Variants in DEFB127 observed in about 807,000 individuals in gnomAD.
DEFB127 encodes defensin beta 127.
DEFB127 carries 2 observed loss-of-function variants against 2.4 expected under a neutral mutation model. The ratio of observed to expected loss-of-function variants is 0.82; its 90% CI spans 0.34 to 2.58. The LOEUF is 2.58. Among genes scored for constraint, DEFB127 ranks in the 30% most tolerant of loss-of-function variants. The pLI is 0.11. For synonymous variants in DEFB127, 37 were observed against 39.8 expected (o/e 0.93, Z 0.26); for missense variants, 110 against 113.2 (o/e 0.97, Z 0.13).
intron 1 of DEFB127, 58 bp from the exon 2 acceptor site, chr20:158,716 C>G (rs1308379923): frequency 2.5e-5 from 38 of 1,541,852 alleles, no homozygotes; most frequent in Non-Finnish European, 3.3e-5. Context: ...TTCCCCAAAA[C>G]CAACGTGCCT....
At position 159,060 on chromosome 20, in the gene DEFB127, C is replaced by A. The variant is rs556352305; in HGVS notation, c.*36C>A. The stretch of plus-strand genomic sequence containing the variant: ...ATTTCGTTTTCACTTGCTTCTCAAC[C>A]TAGTCTAATAAACTAAGGTGATGAG... On this transcript the variant is annotated 3_prime_UTR_variant, in exon 2 of 2. Transcript: ENST00000382388. The A allele has an allele frequency of 1.3e-6, 2 of 1,565,250 alleles. No homozygotes were observed. The highest frequency in any genetic ancestry group is 3.8e-5 in the Admixed American group (2 of 51,952).
At position 157,611 on chromosome 20, in the gene DEFB127, C is replaced by T. The variant is rs762985006; in HGVS notation, c.49+18C>T. ...ACCCACAGGTAAACCAAACCAGAAG[C>T]TCACTCAAATCAACAGTGGGATGGA... On this transcript the variant is annotated intron_variant, in intron 1 of 1. Coordinates refer to ENST00000382388, the MANE Select transcript of DEFB127 (RefSeq NM_139074.4). The T allele has an allele frequency of 6.2e-7, 1 of 1,613,672 alleles. No individual in the cohort carries two copies. Among genetic ancestry groups the T allele is most frequent in the Non-Finnish European group, 8.5e-7 (1 of 1,179,756 alleles).
At position 159,138 on chromosome 20, in the gene DEFB127, T is replaced by C. The variant is rs2054715520; in HGVS notation, c.*114T>C. On this transcript the variant is annotated 3_prime_UTR_variant, in exon 2 of 2. Coordinates refer to ENST00000382388, the MANE Select transcript of DEFB127 (RefSeq NM_139074.4). ...TGATCCTTAAAATGACCTTCGAGCATATTCTAATAAAGTGCATTGCCAGTT... is the reference window on the plus strand; with the variant it reads ...TGATCCTTAAAATGACCTTCGAGCACATTCTAATAAAGTGCATTGCCAGTT... 8.0e-7 allele frequency: 1 copy of C among 1,252,100 alleles called. No individual in the cohort carries two copies. The highest frequency in any genetic ancestry group is 2.5e-5 in the East Asian group (1 of 39,950). 77.6% of individuals were successfully genotyped at this position (1,252,100 alleles called of 1,614,324 possible).
intron 1 of DEFB127, among the ~76,000 whole-genome samples, chr20:158,248 C>T (rs910097649): frequency 2.0e-5 from 3 of 152,134 alleles, no homozygotes; most frequent in South Asian, 2.1e-4. Context: ...TCCTGACCCT[C>T]TACATTCCTA....
In DEFB127 at chr20:157,465, T is replaced by A. The variant is rs1215734609; in HGVS notation, c.-80T>A. On this transcript the variant is annotated 5_prime_UTR_variant, in exon 1 of 2. Transcript: ENST00000382388. ...TGTTCTGGTTCAGTGCATAAGAATC[T>A]AAGTCTCTGAGGAAGGTAGCATAGT... is the stretch of plus-strand genomic sequence containing the variant. 15 of 1,482,916 alleles carry A rather than the reference T, an allele frequency of 1.0e-5. No homozygotes were observed. The highest frequency in any genetic ancestry group is 1.4e-5 in the Non-Finnish European group (15 of 1,062,162). 91.9% of individuals were successfully genotyped at this position (1,482,916 alleles called of 1,614,324 possible). A position where few individuals can be genotyped will look rare whatever the true frequency, so the allele number is the denominator to read the frequency against.
chr20:158,717 C>A (rs547986694), intron 1 of DEFB127, 57 bp from the exon 2 acceptor site: 3 of 1,543,792 alleles, frequency 1.9e-6, no homozygotes, highest in Non-Finnish European at 2.6e-6. Flanking sequence ...TCCCCAAAAC[C>A]AACGTGCCTT....
At position 157,612 on chromosome 20, in the gene DEFB127, T is replaced by C; in HGVS notation, c.49+19T>C. On this transcript the variant is annotated intron_variant, in intron 1 of 1. Transcript: ENST00000382388. ...CCCACAGGTAAACCAAACCAGAAGC[T>C]CACTCAAATCAACAGTGGGATGGAG... is the stretch of plus-strand genomic sequence containing the variant. 2 of 1,613,626 alleles carry C rather than the reference T, an allele frequency of 1.2e-6. No individual in the cohort carries two copies. Among genetic ancestry groups the C allele is most frequent in the Non-Finnish European group, 1.7e-6 (2 of 1,179,732 alleles).
intron 1 of DEFB127, among the ~76,000 whole-genome samples, chr20:158,376 G>A (rs778636256): frequency 3.3e-5 from 5 of 152,128 alleles, no homozygotes; most frequent in Non-Finnish European, 5.9e-5. Flanking sequence ...ACAATACATT[G>A]TTCTCTGGGC....
At chr20:157,913 T>C (rs963325517) in intron 1 of DEFB127, among the ~76,000 whole-genome samples, 1 of 137,744 alleles carries the variant, frequency 7.3e-6, no homozygotes, top group East Asian at 2.2e-4. Flanking sequence ...CTATATTTCC[T>C]TTTACTCAAA....
In DEFB127 at chr20:157,524, C is replaced by A. The variant is rs140500996; in HGVS notation, c.-21C>A. On this transcript the variant is annotated 5_prime_UTR_variant, in exon 1 of 2. Transcript: ENST00000382388. ...CACTGGACCAAAAGCTTTGGCTGCA[C>A]CTCTTCTGGAAAGCCTGGCCATGGG... is the stretch of plus-strand genomic sequence containing the variant. 2.6e-5 allele frequency: 42 copies of A among 1,586,948 alleles called. No individual in the cohort carries two copies. The South Asian group carries it at 4.3e-4, about 16-fold the overall frequency.
chr20:158,418 T>G (rs569380221), intron 1 of DEFB127, among the ~76,000 whole-genome samples: 1 of 152,316 alleles, frequency 6.6e-6, no homozygotes, highest in Admixed American at 6.5e-5. Context: ...GGTAGTGCTC[T>G]GGGAGCATTC....
In DEFB127 at chr20:158,881, T is replaced by C. The variant is rs2054713917; in HGVS notation, c.157T>C (p.Cys53Arg). The stretch of plus-strand genomic sequence containing the variant: ...GGCACTATGTGAAAATGGGAGATAC[T>C]GTTGCCTCAATATCAAGGAACTGGA... ...PEALCENGRY[C>R]CLNIKELEAC... The change falls in exon 2 of 2, where the codon TGT (cysteine) becomes CGT (arginine). Residue 53 changes from cysteine to arginine, a missense_variant. Physicochemically the swap from Cys to Arg is radical, Grantham distance 180. Transcript: ENST00000382388. The C allele has an allele frequency of 6.2e-7, 1 of 1,613,830 alleles. No individual in the cohort carries two copies. Among genetic ancestry groups the C allele is most frequent in the South Asian group, 1.1e-5 (1 of 91,064 alleles).
Position 159,026 on chromosome 20 carries a change from T to TTTG in DEFB127, c.*2_*3insTTG, listed in dbSNP as rs755718985. The stretch of plus-strand genomic sequence containing the variant: ...AGCCTGAAGACACAGTCTACATAAA[T>TTTG]CAAATACAATTTCGTTTTCACTTGC... On this transcript the variant is annotated 3_prime_UTR_variant, in exon 2 of 2. Coordinates refer to ENST00000382388, the MANE Select transcript of DEFB127 (RefSeq NM_139074.4). 6.9e-6 allele frequency: 11 copies of TTTG among 1,594,058 alleles called. No individual in the cohort carries two copies. The highest frequency in any genetic ancestry group is 8.5e-6 in the Non-Finnish European group (10 of 1,171,964).
Position 158,814 on chromosome 20 carries a change from AG to A in DEFB127, c.92del (p.Gly31AspfsTer9). 1 of 1,613,562 alleles carries A rather than the reference AG, an allele frequency of 6.2e-7. No homozygotes were observed. The highest frequency in any genetic ancestry group is 8.5e-7 in the Non-Finnish European group (1 of 1,179,644). On this transcript the variant is annotated frameshift_variant, in exon 2 of 2. Coordinates refer to ENST00000382388, the MANE Select transcript of DEFB127 (RefSeq NM_139074.4). LOFTEE classifies it low-confidence loss of function (END_TRUNC). ...AGAAGTGCTGGAATAACTATGTACA[AG>A]GACATTGCAGGAAAATCTGCAGAGT... ...LKKCWNNYVQ[G>X]HCRKICRVNE...
Position 159,129 on chromosome 20 carries a change from C to T in DEFB127, c.*105C>T. 1 of 1,303,042 alleles carries T rather than the reference C, an allele frequency of 7.7e-7. No individual in the cohort carries two copies. Among genetic ancestry groups the T allele is most frequent in the South Asian group, 1.6e-5 (1 of 62,992 alleles). The allele number at this position is 1,303,042 out of a possible 1,614,324, so 80.7% of individuals were successfully genotyped here. A position where few individuals can be genotyped will look rare whatever the true frequency, so the allele number is the denominator to read the frequency against. Reference sequence around the variant, plus strand: ...TTGGTTTCTTGATCCTTAAAATGACCTTCGAGCATATTCTAATAAAGTGCA... The same window carrying T: ...TTGGTTTCTTGATCCTTAAAATGACTTTCGAGCATATTCTAATAAAGTGCA... On this transcript the variant is annotated 3_prime_UTR_variant, in exon 2 of 2. Coordinates refer to ENST00000382388, the MANE Select transcript of DEFB127 (RefSeq NM_139074.4).
At position 159,086 on chromosome 20, in the gene DEFB127, A is replaced by G; in HGVS notation, c.*62A>G. ...TAGTCTAATAAACTAAGGTGATGAG[A>G]TATACATCTTCTTCCTTTTGGTTTC... is the stretch of plus-strand genomic sequence containing the variant. On this transcript the variant is annotated 3_prime_UTR_variant, in exon 2 of 2. Coordinates refer to ENST00000382388, the MANE Select transcript of DEFB127 (RefSeq NM_139074.4). 6.7e-7 allele frequency: 1 copy of G among 1,496,222 alleles called. No individual in the cohort carries two copies. Among genetic ancestry groups the G allele is most frequent in the Non-Finnish European group, 9.0e-7 (1 of 1,113,390 alleles). 92.7% of individuals were successfully genotyped at this position (1,496,222 alleles called of 1,614,324 possible). A position where few individuals can be genotyped will look rare whatever the true frequency, so the allele number is the denominator to read the frequency against.
At chr20:157,894 G>T (rs1208536667) in intron 1 of DEFB127, among the ~76,000 whole-genome samples, 1 of 151,334 alleles carries the variant, frequency 6.6e-6, no homozygotes. Flanking sequence ...TTTTTACTCT[G>T]ATGCTCAGCT....
At position 158,771 on chromosome 20, in the gene DEFB127, T is replaced by C. The variant is rs747267191; in HGVS notation, c.50-3T>C. 1.9e-6 allele frequency: 3 copies of C among 1,608,888 alleles called. No homozygotes were observed. The highest frequency in any genetic ancestry group is 2.5e-6 in the Non-Finnish European group (3 of 1,177,660). On this transcript the variant is annotated splice_polypyrimidine_tract_variant and splice_region_variant and intron_variant, in intron 1 of 1. Transcript: ENST00000382388. The stretch of plus-strand genomic sequence containing the variant: ...TTGTTCTATTGCTCCTTTCTGTGTA[T>C]AGTAACCGAACAACTTAAGAAGTGC...
rs1205938736 is a variant in DEFB127 at position 159,021 on chromosome 20, A to G, written c.297A>G (p.Thr99=). ...TCCCAAGCCTGAAGACACAGTCTACATAAATCAAATACAATTTCGTTTTCA... is the reference window on the plus strand; with the variant it reads ...TCCCAAGCCTGAAGACACAGTCTACGTAAATCAAATACAATTTCGTTTTCA... The part of the protein sequence containing the change: ...ENFPSLKTQS[T] Residue 99 remains threonine (T), a synonymous_variant, in exon 2 of 2, where the codon ACA becomes ACG. Transcript: ENST00000382388. The G allele has an allele frequency of 3.1e-6, 5 of 1,598,192 alleles. No homozygotes were observed. The highest frequency in any genetic ancestry group is 3.4e-6 in the Non-Finnish European group (4 of 1,173,884).
Sources: gnomAD v4.1 joint callset for allele counts (sites outside exome capture counted in the v4.1 genomes callset) on GRCh38, gnomAD v4.1.1 for gene constraint, MANE v1.5 for transcripts, NCBI Gene and HGNC (gene_info 2026-07-23, HGNC 2026-07-21) for gene names.